NIBAN2: variants seen among roughly 807,000 people sequenced by gnomAD.
The protein encoded by NIBAN2 is niban apoptosis regulator 2, also known as protein Niban 2.
A neutral mutation model predicts 81.8 loss-of-function variants in NIBAN2; 36 were observed. The ratio of observed to expected loss-of-function variants is 0.44; its 90% CI spans 0.34 to 0.58. The LOEUF is 0.58. Among genes scored for constraint, NIBAN2 ranks in the 20% least tolerant of loss-of-function variants. NIBAN2 has a pLI of 0.02. For synonymous variants in NIBAN2, 445 were observed against 441.6 expected, an observed-to-expected ratio of 1.01 and a Z score of -0.10; for missense variants, 897 against 1,014.1, an observed-to-expected ratio of 0.88 and a Z score of 1.57.
chr9:127,554,970 T>TA (rs899417526), intron 1 of NIBAN2, among the ~76,000 whole-genome samples: 2 of 152,064 alleles, frequency 1.3e-5, no homozygotes, highest in Admixed American at 6.5e-5. Flanking sequence ...CAGGAGAGAA[T>TA]AAAAAAATTA....
chr9:127,561,282 G>A lies in NIBAN2; in HGVS notation c.55+7538C>T. Reference sequence around the variant, plus strand: ...CTCATATTTAGGGCTGCTTAGGAAAGGAGTGGGTCATGTCAACTTCCTGGA... The same window carrying A: ...CTCATATTTAGGGCTGCTTAGGAAAAGAGTGGGTCATGTCAACTTCCTGGA... On this transcript the variant is annotated intron_variant, in intron 1 of 13. Transcript: ENST00000373312. 4 of 985,612 alleles carry A rather than the reference G, an allele frequency of 4.1e-6. No homozygotes were observed. The South Asian group carries it at 1.9e-4, about 46-fold the overall frequency. The allele number at this position is 985,612 out of a possible 1,614,324, so 61.1% of individuals were successfully genotyped here. A position where few individuals can be genotyped will look rare whatever the true frequency, so the allele number is the denominator to read the frequency against.
At chr9:127,554,141 T>C (rs891711599) in intron 1 of NIBAN2, among the ~76,000 whole-genome samples, 1 of 152,184 alleles carries the variant, frequency 6.6e-6, no homozygotes, top group African/African-American at 2.4e-5. Flanking sequence ...CTAACACAAA[T>C]TTGTTGCTCT....
Position 127,563,684 on chromosome 9 carries a change from G to A in NIBAN2, c.55+5136C>T, listed in dbSNP as rs553724448. Among the ~76,000 whole-genome samples the A allele has an allele frequency of 4.6e-5, 7 of 152,116 alleles. No individual in the cohort carries two copies. The South Asian group carries it at 1.0e-3, about 23-fold the overall frequency. On this transcript the variant is annotated intron_variant, in intron 1 of 13. Transcript: ENST00000373312. The surrounding 1 kb of genome is among the most constrained non-coding windows in gnomAD (Gnocchi z 4.1). ...ACTACAGGCACGCACCACCAGGCCC[G>A]GCTAATTTTTTAGTAGAGACGTGGT...
intron 1 of NIBAN2, among the ~76,000 whole-genome samples, chr9:127,552,927 G>C (rs1191662004): frequency 1.3e-5 from 2 of 152,002 alleles, no homozygotes; most frequent in African/African-American, 4.8e-5. Flanking sequence ...CCGGACCTCA[G>C]GTGATCCGCC....
intron 1 of NIBAN2, among the ~76,000 whole-genome samples, chr9:127,547,959 A>G (rs1292184090): frequency 6.6e-6 from 1 of 152,240 alleles, no homozygotes; most frequent in Non-Finnish European, 1.5e-5. Context: ...GGCTGGTGTT[A>G]TCAATGGCAG....
At chr9:127,567,357 C>T (rs537664122) in intron 1 of NIBAN2, among the ~76,000 whole-genome samples, 1 of 152,340 alleles carries the variant, frequency 6.6e-6, no homozygotes, top group East Asian at 1.9e-4. Context: ...CCTCCTCCCA[C>T]AGTCCAGGCC....
chr9:127,507,720 C>A lies in NIBAN2; in HGVS notation c.1654+147G>T, dbSNP rs1453988760. The A allele has an allele frequency of 6.6e-6, 5 of 762,154 alleles. No homozygotes were observed. Among genetic ancestry groups the A allele is most frequent in the Non-Finnish European group, 1.1e-5 (5 of 449,310 alleles). The allele number at this position is 762,154 out of a possible 1,614,324, so 47.2% of individuals were successfully genotyped here. On this transcript the variant is annotated intron_variant, in intron 13 of 13. Transcript: ENST00000373312. This position sits in a 1 kb window ranked among gnomAD's most constrained non-coding sequence, Gnocchi z 6.8. Reference sequence around the variant, plus strand: ...AAGGCTAAGGCTGCTCCGGAGGCCACACAGCGAAGAGTGGGCTTCACCCAG... The same window carrying A: ...AAGGCTAAGGCTGCTCCGGAGGCCAAACAGCGAAGAGTGGGCTTCACCCAG...
At chr9:127,578,803 G>C in intron 1 of NIBAN2, 1 of 950,786 alleles carries the variant, frequency 1.1e-6, no homozygotes, top group Non-Finnish European at 1.6e-6. Flanking sequence ...GCTGCATTGA[G>C]CTATGATCAT....
chr9:127,565,929 G>GTC (rs746193186), intron 1 of NIBAN2, among the ~76,000 whole-genome samples: 12,906 of 137,448 alleles, frequency 0.094, 628 homozygotes, highest in Non-Finnish European at 0.13. Flanking sequence ...GGGAGACCCT[G>GTC]TCTCTCTCTC....
Position 127,507,821 on chromosome 9 carries a change from C to G in NIBAN2, c.1654+46G>C, listed in dbSNP as rs1208646916. 1 of 1,560,778 alleles carries G rather than the reference C, an allele frequency of 6.4e-7. No homozygotes were observed. Among genetic ancestry groups the G allele is most frequent in the Non-Finnish European group, 8.8e-7 (1 of 1,131,970 alleles). ...GCTGCCACCACTTCTCAGCTGCGCC[C>G]CCAGCATCCTCCTGGCAACAGTCCC... is the stretch of plus-strand genomic sequence containing the variant. On this transcript the variant is annotated intron_variant, in intron 13 of 13. Transcript: ENST00000373312. This position sits in a 1 kb window ranked among gnomAD's most constrained non-coding sequence, Gnocchi z 6.8.
rs1837276433 is a variant in NIBAN2 at position 127,536,237 on chromosome 9, C to T, written c.56-4459G>A. On this transcript the variant is annotated intron_variant, in intron 1 of 13. Transcript: ENST00000373312. The surrounding 1 kb of genome is among the most constrained non-coding windows in gnomAD (Gnocchi z 4.0). ...TGCTGGGGACCCCAGGTGTGGAGGC[C>T]AGAGGGACCCAAAAGGCCAGCAGCA... 6.6e-6 allele frequency among the ~76,000 whole-genome samples: 1 copy of T among 152,154 alleles called. No individual in the cohort carries two copies. Among genetic ancestry groups the T allele is most frequent in the Non-Finnish European group, 1.5e-5 (1 of 68,010 alleles).
intron 2 of NIBAN2, among the ~76,000 whole-genome samples, chr9:127,527,557 G>A (rs776311054): frequency 6.6e-6 from 1 of 152,226 alleles, no homozygotes; most frequent in Non-Finnish European, 1.5e-5. Context: ...TCCAGGCAGG[G>A]TGGTGATGCC....
chr9:127,556,229 G>A (rs543057031), intron 1 of NIBAN2, among the ~76,000 whole-genome samples: 1 of 152,090 alleles, frequency 6.6e-6, no homozygotes, highest in Non-Finnish European at 1.5e-5. Flanking sequence ...GGAAGTTGTG[G>A]ATGGCCACAT....
rs935286440 is a variant in NIBAN2, at chr9:127,507,666, C to T, written c.1654+201G>A. ...CTGACCCTCCCAGCAAAGCCAAGGA[C>T]GCGAGAAGAAACTAAAGCACAGAGA... On this transcript the variant is annotated intron_variant, in intron 13 of 13. Transcript: ENST00000373312. This position sits in a 1 kb window ranked among gnomAD's most constrained non-coding sequence, Gnocchi z 6.8. Among the ~76,000 whole-genome samples the T allele has an allele frequency of 7.2e-5, 11 of 152,202 alleles. No homozygotes were observed. Among genetic ancestry groups the T allele is most frequent in the Admixed American group, 6.5e-4 (10 of 15,280 alleles).
rs563308599 is a variant in NIBAN2, at chr9:127,535,045, C to T, written c.56-3267G>A. 6.5e-4 allele frequency among the ~76,000 whole-genome samples: 97 copies of T among 149,852 alleles called. 1 individual carries two copies. The highest frequency in any genetic ancestry group is 2.4e-3 in the African/African-American group (97 of 40,834). On this transcript the variant is annotated intron_variant, in intron 1 of 13. Coordinates refer to ENST00000373312, the MANE Select transcript of NIBAN2 (RefSeq NM_022833.4). ...TTTTCCTATTTCAGGGATGAGGAGT[C>T]AAGCCACGCACCCCACAGGCATTCT...
intron 2 of NIBAN2, among the ~76,000 whole-genome samples, chr9:127,530,910 G>T (rs1324834965): frequency 1.3e-5 from 2 of 151,992 alleles, no homozygotes; most frequent in Non-Finnish European, 2.9e-5. Flanking sequence ...TAGGCATGGT[G>T]GCTCACGCCT....
intron 1 of NIBAN2, among the ~76,000 whole-genome samples, chr9:127,560,593 G>A (rs6478787): frequency 0.057 from 8,628 of 152,166 alleles, 450 homozygotes; most frequent in African/African-American, 0.13. Context: ...CCCAAGGAAG[G>A]CCTTTCCCTT....
intron 1 of NIBAN2, among the ~76,000 whole-genome samples, chr9:127,558,089 G>C (rs1166897709): frequency 2.6e-5 from 4 of 152,106 alleles, no homozygotes; most frequent in Non-Finnish European, 5.9e-5. Flanking sequence ...ATATAGGAGT[G>C]GGGGTGGGAG....
At chr9:127,531,911 T>A in intron 1 of NIBAN2, 133 bp from the exon 2 acceptor site, 1 of 1,207,986 alleles carries the variant, frequency 8.3e-7, no homozygotes, top group Non-Finnish European at 1.1e-6. Context: ...CTCCTCGCGC[T>A]CATCTGCGCT....
Sources: allele counts gnomAD v4.1 joint callset (sites outside exome capture counted in the v4.1 genomes callset), GRCh38; gene constraint gnomAD v4.1.1; non-coding constraint Gnocchi (gnomAD v3.1); transcripts MANE v1.5; gene names NCBI Gene and HGNC (gene_info 2026-07-23, HGNC 2026-07-21).